The following CCDC83 variants were observed in gnomAD, a reference collection of about 807,000 sequenced individuals.
CCDC83 encodes coiled-coil domain containing 83.
A neutral mutation model predicts 50.1 loss-of-function variants in CCDC83; 54 were observed. The ratio of observed to expected loss-of-function variants is 1.08; its 90% confidence interval spans 0.87 to 1.35. The LOEUF (loss-of-function observed/expected upper bound fraction) is 1.35, where lower values mean the gene tolerates loss of function less well. Among genes scored for constraint, CCDC83 ranks in the 40% most tolerant of loss-of-function variants. The probability of loss-of-function intolerance (pLI) is 0.00; values close to 1 mark genes in which losing one functional copy is unlikely to be tolerated. For synonymous variants in CCDC83, 161 were observed against 153.3 expected (o/e 1.05, Z -0.37); for missense variants, 518 against 473.9 (o/e 1.09, Z -0.86).
chr11:85,907,256 A>G (rs1020325554), intron 7 of CCDC83, among the ~76,000 whole-genome samples: 9 of 152,296 alleles, frequency 5.9e-5, no homozygotes, highest in Non-Finnish European at 1.2e-4. Context: ...GTTTTAATTT[A>G]TAACTATTTT....
intron 7 of CCDC83, among the ~76,000 whole-genome samples, chr11:85,904,643 T>C (rs1210158933): frequency 6.6e-6 from 1 of 152,122 alleles, no homozygotes; most frequent in African/African-American, 2.4e-5. Flanking sequence ...TGGAACTACA[T>C]TTTTTTTCCC....
chr11:85,881,072 A>G (rs2093296866), intron 3 of CCDC83, among the ~76,000 whole-genome samples: 1 of 152,122 alleles, frequency 6.6e-6, no homozygotes, highest in South Asian at 2.1e-4. Context: ...AGTACTCAAG[A>G]AGTTTCAGAT....
At chr11:85,869,776 A>AT (rs1210443663) in intron 2 of CCDC83, among the ~76,000 whole-genome samples, 1 of 152,234 alleles carries the variant, frequency 6.6e-6, no homozygotes, top group Non-Finnish European at 1.5e-5. Flanking sequence ...ATAAGGAACA[A>AT]TGATGCTTGA....
rs781176322 is a variant in CCDC83, at chr11:85,916,054, G to A, written c.901G>A (p.Glu301Lys). Residue 301 changes from glutamate (E) to lysine (K), a missense_variant, in exon 10 of 11, where the codon GAA becomes AAA. Transcript: ENST00000342404. ...AGAGAAGTCAGAATTGCAACCCACAGAAGTAGAAAGTAGAGACTTGATGTC... is the reference window on the plus strand; with the variant it reads ...AGAGAAGTCAGAATTGCAACCCACAAAAGTAGAAAGTAGAGACTTGATGTC... ...IEEKSELQPT[E>K]VESRDLMSSS... 6.2e-6 allele frequency: 10 copies of A among 1,611,766 alleles called. No homozygotes were observed. The highest frequency in any genetic ancestry group is 8.5e-6 in the Non-Finnish European group (10 of 1,178,852).
At chr11:85,863,615 C>G (rs562205211) in intron 1 of CCDC83, among the ~76,000 whole-genome samples, 21 of 152,314 alleles carry the variant, frequency 1.4e-4, no homozygotes, top group Non-Finnish European at 2.8e-4. Context: ...TCTGAGTGTG[C>G]AGGCAGCATG....
Position 85,894,673 on chromosome 11 carries a change from T to A in CCDC83, c.512-620T>A, listed in dbSNP as rs1426100882. On this transcript the variant is annotated intron_variant, in intron 5 of 10. Transcript: ENST00000342404. ...AATGTACATATCACAAGGACGGGTT[T>A]TTTTTCTGTCTTAACCAGCAATATT... Among the ~76,000 whole-genome samples, 5 of 152,322 alleles carry A rather than the reference T, an allele frequency of 3.3e-5. No individual in the cohort carries two copies. In the South Asian group the frequency reaches 1.0e-3, roughly 32 times the overall value.
At chr11:85,915,647 G>A in intron 9 of CCDC83, 149 bp downstream of exon 9, 1 of 608,032 alleles carries the variant, frequency 1.6e-6, no homozygotes. Flanking sequence ...TTCTCCTCTT[G>A]CAGTGCTTGT....
intron 1 of CCDC83, among the ~76,000 whole-genome samples, chr11:85,863,659 A>G (rs140783023): frequency 0.011 from 1,716 of 152,362 alleles, 14 homozygotes; most frequent in Middle Eastern, 0.031. Context: ...CATATTAACA[A>G]GTTTCTCCAC....
chr11:85,855,372 C>T (rs1426250314), upstream of CCDC83: 1 of 152,414 alleles, frequency 6.6e-6, no homozygotes. Context: ...GGGTCGCGCC[C>T]TCCTGGTCTT....
At chr11:85,867,594 T>C (rs900994655) in intron 2 of CCDC83, among the ~76,000 whole-genome samples, 2 of 152,184 alleles carry the variant, frequency 1.3e-5, no homozygotes. Context: ...TTTCTCAACA[T>C]AACTGAAAAC....
chr11:85,911,449 T>C (rs1301876581), intron 8 of CCDC83, 47 bp downstream of exon 8: 1 of 1,470,742 alleles, frequency 6.8e-7, no homozygotes, highest in Non-Finnish European at 9.1e-7. Flanking sequence ...CATTTGTATC[T>C]GCTGTAAAAA....
Position 85,919,460 on chromosome 11 carries a change from A to T in CCDC83, c.1192A>T (p.Arg398Trp). The T allele has an allele frequency of 3.7e-6, 6 of 1,612,186 alleles. No homozygotes were observed. The highest frequency in any genetic ancestry group is 4.2e-6 in the Non-Finnish European group (5 of 1,178,710). The stretch of plus-strand genomic sequence containing the variant: ...TCCAGTCAAACTCTATAAAGATGTC[A>T]GGAGCCCAGAAAGCCACATCACATA... ...EIPVKLYKDV[R>W]SPESHITYKM... Residue 398 changes from arginine (R) to tryptophan (W), a missense_variant, in exon 11 of 11, where the codon AGG becomes TGG. By Grantham distance (101) the Arg-to-Trp change is moderately radical. Transcript: ENST00000342404.
intron 4 of CCDC83, among the ~76,000 whole-genome samples, chr11:85,885,307 T>G (rs1238509998): frequency 2.6e-5 from 4 of 152,172 alleles, no homozygotes; most frequent in Non-Finnish European, 4.4e-5. Flanking sequence ...CACCCTGGCC[T>G]GATTGAAATG....
At chr11:85,883,924 C>T (rs1246183211) in intron 4 of CCDC83, among the ~76,000 whole-genome samples, 4 of 152,130 alleles carry the variant, frequency 2.6e-5, no homozygotes, top group Non-Finnish European at 5.9e-5. Context: ...ACCCAAGTCT[C>T]TTCATTGGCA....
intron 2 of CCDC83, among the ~76,000 whole-genome samples, chr11:85,869,897 G>T (rs1462341215): frequency 6.6e-6 from 1 of 152,218 alleles, no homozygotes. Context: ...GACAGGCTCA[G>T]CTAAATTAGA....
intron 4 of CCDC83, among the ~76,000 whole-genome samples, chr11:85,884,017 T>G (rs1412064980): frequency 1.3e-5 from 2 of 152,174 alleles, no homozygotes; most frequent in African/African-American, 4.8e-5. Context: ...GAAGGAATAC[T>G]TTAGTAAGTC....
At chr11:85,911,192 A>AAAT in intron 7 of CCDC83, 89 bp from the exon 8 acceptor site, 1 of 1,044,502 alleles carries the variant, frequency 9.6e-7, no homozygotes, top group Non-Finnish European at 1.3e-6. Context: ...AAAAAAAAAA[A>AAAT]GAAAGAAAAA....
At chr11:85,909,740 A>C (rs2093444570) in intron 7 of CCDC83, among the ~76,000 whole-genome samples, 1 of 146,398 alleles carries the variant, frequency 6.8e-6, no homozygotes, top group South Asian at 2.1e-4. Flanking sequence ...CTCCTGCCTC[A>C]GCCTCCCGAC....
At chr11:85,907,846 G>T (rs1318468975) in intron 7 of CCDC83, among the ~76,000 whole-genome samples, 3 of 152,210 alleles carry the variant, frequency 2.0e-5, no homozygotes, top group Non-Finnish European at 4.4e-5. Context: ...CCCAGCTTTC[G>T]AAAGAGACCA....
Sources: allele counts gnomAD v4.1 joint callset (sites outside exome capture counted in the v4.1 genomes callset), GRCh38; gene constraint gnomAD v4.1.1; transcripts MANE v1.5; gene names NCBI Gene and HGNC (gene_info 2026-07-23, HGNC 2026-07-21).